Variants in RAG1 observed in about 807,000 individuals in gnomAD.
RAG1 encodes recombination activating 1.
In RAG1, 35 loss-of-function variants were observed where a neutral mutation model predicts 62.7. The ratio of observed to expected loss-of-function variants is 0.56; its 90% confidence interval spans 0.43 to 0.74. The LOEUF (loss-of-function observed/expected upper bound fraction) is 0.74, where lower values mean the gene tolerates loss of function less well. RAG1 is among the 30% of genes least tolerant of loss of function. RAG1 has a pLI of 0.00. For missense variants in RAG1, 1,169 were observed against 1,278.6 expected (o/e 0.91, Z 1.31); for synonymous variants, 461 against 470.3 (o/e 0.98, Z 0.26).
intron 2 of RAG1, among the ~76,000 whole-genome samples, chr11:36,524,849 T>G (rs984716721): frequency 6.6e-6 from 1 of 152,218 alleles, no homozygotes; most frequent in Non-Finnish European, 1.5e-5. Flanking sequence ...CATCTTTTCA[T>G]GTACTTATTT....
At chr11:36,525,301 G>A (rs1860143186) in intron 2 of RAG1, among the ~76,000 whole-genome samples, 1 of 152,092 alleles carries the variant, frequency 6.6e-6, no homozygotes, top group South Asian at 2.1e-4. Flanking sequence ...GATTACTGTA[G>A]CTATATAATA....
chr11:36,574,878 C>T lies in RAG1; in HGVS notation c.1574C>T (p.Pro525Leu). Reference sequence around the variant, plus strand: ...TACCACCACTTTGAGTGGCAGCCACCTCTGAAGAATGTGTCTTCCAGCACT... The same window carrying T: ...TACCACCACTTTGAGTGGCAGCCACTTCTGAAGAATGTGTCTTCCAGCACT... ...PGYHHFEWQP[P>L]LKNVSSSTDV... Residue 525 changes from proline to leucine, a missense_variant, in exon 2 of 2, where the codon CCT becomes CTT. Physicochemically the swap from Pro to Leu is moderately conservative, Grantham distance 98 (BLOSUM62 -3). Transcript: ENST00000299440. 1 of 1,614,230 alleles carries T rather than the reference C, an allele frequency of 6.2e-7. No homozygotes were observed. The highest frequency in any genetic ancestry group is 1.3e-5 in the African/African-American group (1 of 75,058).
chr11:36,543,091 A>G (rs1850333861), intron 3 of RAG1, among the ~76,000 whole-genome samples: 1 of 151,940 alleles, frequency 6.6e-6, no homozygotes, highest in African/African-American at 2.4e-5. Context: ...TTCCTTGGTG[A>G]CTCCTACATT....
chr11:36,525,643 CT>C (rs1468624274), intron 2 of RAG1, among the ~76,000 whole-genome samples: 5 of 151,866 alleles, frequency 3.3e-5, no homozygotes, highest in African/African-American at 9.7e-5. Context: ...TATAGCTAAG[CT>C]TTTTTTGAGC....
intron 1 of RAG1, 129 bp downstream of exon 1, chr11:36,568,251 T>G (rs1590697629): frequency 2.0e-5 from 3 of 152,348 alleles, no homozygotes; most frequent in Admixed American, 2.0e-4. Context: ...TACATCAATT[T>G]TTTTTTAATG....
intron 2 of RAG1, among the ~76,000 whole-genome samples, chr11:36,535,480 G>C (rs1860313283): frequency 6.6e-6 from 1 of 152,112 alleles, no homozygotes; most frequent in African/African-American, 2.4e-5. Flanking sequence ...ATATAGGCCA[G>C]ATGTGATAAT....
rs1174523558 is a variant in RAG1 at position 36,577,996 on chromosome 11, C to T, written c.*1560C>T. ...TCTTGTGGCTCCAGTTATTTGGAAA[C>T]TATGATCTGCATCCTTAGGAATCTG... On this transcript the variant is annotated 3_prime_UTR_variant, in exon 2 of 2. Transcript: ENST00000299440. 1 of 167,114 alleles carries T rather than the reference C, an allele frequency of 6.0e-6. No individual in the cohort carries two copies. The highest frequency in any genetic ancestry group is 1.5e-5 in the Non-Finnish European group (1 of 68,126). The allele number at this position is 167,114 out of a possible 1,614,324, so 10.4% of individuals were successfully genotyped here.
intron 1 of RAG1, among the ~76,000 whole-genome samples, chr11:36,516,586 T>G (rs1243506709): frequency 1.3e-5 from 2 of 152,244 alleles, no homozygotes; most frequent in African/African-American, 4.8e-5. Flanking sequence ...CCTCCCAAAG[T>G]GCTGGGATTA....
At chr11:36,531,288 C>G (rs1391409188) in intron 2 of RAG1, among the ~76,000 whole-genome samples, 1 of 151,810 alleles carries the variant, frequency 6.6e-6, no homozygotes, top group Non-Finnish European at 1.5e-5. Context: ...CTTTGTCAAT[C>G]TCTGTCTTGT....
chr11:36,538,305 A>G (rs926389344), downstream of RAG1, among the ~76,000 whole-genome samples: 1 of 152,128 alleles, frequency 6.6e-6, no homozygotes, highest in Non-Finnish European at 1.5e-5. Context: ...TCAGGGTGCC[A>G]TCCAGGGGCC....
rs764667481 is a variant in RAG1 at position 36,551,140 on chromosome 11, G to A, written c.-411-12245G>A. Reference sequence around the variant, plus strand: ...CAGTCAAAGCAAAAGGATTTAGTTGGATGATTAAAAAGTGCAGTAAATTCA... The same window carrying A: ...CAGTCAAAGCAAAAGGATTTAGTTGAATGATTAAAAAGTGCAGTAAATTCA... On this transcript the variant is annotated intron_variant and NMD_transcript_variant, in intron 3 of 9. Coordinates refer to the RAG1 transcript ENST00000534663. Among the ~76,000 whole-genome samples the A allele has an allele frequency of 5.1e-4, 77 of 152,250 alleles. 2 individuals carry two copies. Among genetic ancestry groups the A allele is most frequent in the Middle Eastern group, 3.4e-3 (1 of 294 alleles).
At chr11:36,541,692 T>C (rs566491942) in intron 3 of RAG1, among the ~76,000 whole-genome samples, 1 of 152,236 alleles carries the variant, frequency 6.6e-6, no homozygotes, top group African/African-American at 2.4e-5. Flanking sequence ...CCCCCACTCT[T>C]AGTTGCCCTC....
chr11:36,525,333 A>C (rs1281930459), intron 2 of RAG1, among the ~76,000 whole-genome samples: 1 of 152,158 alleles, frequency 6.6e-6, no homozygotes, highest in African/African-American at 2.4e-5. Flanking sequence ...CAAGTAGATA[A>C]ATTCTTCCTA....
intron 3 of RAG1, among the ~76,000 whole-genome samples, chr11:36,543,590 C>T (rs1056314757): frequency 9.8e-5 from 15 of 152,318 alleles, no homozygotes; most frequent in Non-Finnish European, 1.6e-4. Context: ...TTCTTGGAGG[C>T]ACTTACCAGC....
intron 3 of RAG1, among the ~76,000 whole-genome samples, chr11:36,559,502 T>C (rs1418807441): frequency 1.3e-5 from 2 of 152,306 alleles, no homozygotes; most frequent in East Asian, 1.9e-4. Context: ...AATTAAACAT[T>C]AGTTCACATA....
At position 36,520,495 on chromosome 11, in the gene RAG1, G is replaced by A. The variant is rs544170594; in HGVS notation, n.428+266G>A. Among the ~76,000 whole-genome samples, 133 of 152,062 alleles carry A rather than the reference G, an allele frequency of 8.7e-4. No homozygotes were observed. The South Asian group carries it at 0.012, about 14-fold the overall frequency. The stretch of plus-strand genomic sequence containing the variant: ...GTTTCCCCATGTTGGCCAGCTGGTC[G>A]CAAACTCCTGACCTCAGGTGTTCCA... On this transcript the variant is annotated intron_variant and non_coding_transcript_variant, in intron 2 of 2. Transcript: ENST00000529126.
intron 1 of RAG1, among the ~76,000 whole-genome samples, chr11:36,568,992 G>T (rs534238791): frequency 6.4e-4 from 97 of 152,310 alleles, no homozygotes; most frequent in Non-Finnish European, 1.8e-4. Context: ...GTGTGATAAT[G>T]AGAGGTCACA....
In RAG1 at chr11:36,579,240, G is replaced by C. The variant is rs1230666738; in HGVS notation, c.*2804G>C. On this transcript the variant is annotated 3_prime_UTR_variant, in exon 2 of 2. Coordinates refer to ENST00000299440, the MANE Select transcript of RAG1 (RefSeq NM_000448.3). ...CAAATTCCACACAGATAAGAGGCAG[G>C]ATATATAAGCGCCAGTGGTAGTTGG... The C allele has an allele frequency of 6.0e-6, 1 of 167,076 alleles. No individual in the cohort carries two copies. The highest frequency in any genetic ancestry group is 2.4e-5 in the African/African-American group (1 of 41,460). 10.3% of individuals were successfully genotyped at this position (167,076 alleles called of 1,614,324 possible). A position where few individuals can be genotyped will look rare whatever the true frequency, so the allele number is the denominator to read the frequency against.
intron 2 of RAG1, among the ~76,000 whole-genome samples, chr11:36,525,613 C>T (rs331441): frequency 0.045 from 6,845 of 152,056 alleles, 486 homozygotes; most frequent in African/African-American, 0.16. Context: ...TTACATGTTT[C>T]GTACGTGTTT....
Sources: gnomAD v4.1 joint callset for allele counts (sites outside exome capture counted in the v4.1 genomes callset) on GRCh38, gnomAD v4.1.1 for gene constraint, MANE v1.5 for transcripts, NCBI Gene and HGNC (gene_info 2026-07-23, HGNC 2026-07-21) for gene names.